The following AGAP1 variants were observed in gnomAD, a reference collection of about 807,000 sequenced individuals.
AGAP1 encodes the protein arf-GAP with GTPase, ANK repeat and PH domain-containing protein 1.
In AGAP1, 29 loss-of-function variants were observed where a neutral mutation model predicts 105.3. The observed-to-expected ratio is 0.28, with a 90% confidence interval of 0.21 to 0.38. The LOEUF (loss-of-function observed/expected upper bound fraction) is 0.38, where lower values mean the gene tolerates loss of function less well. AGAP1 is among the 10% of genes least tolerant of loss of function. The pLI is 1.00. For synonymous variants in AGAP1, 509 were observed against 485.9 expected (o/e 1.05, Z -0.63); for missense variants, 998 against 1,165.1 (o/e 0.86, Z 2.09).
intron 1 of AGAP1, chr2:235,669,750 G>C (rs1948271323): frequency 6.8e-6 from 1 of 147,994 alleles, no homozygotes; most frequent in Non-Finnish European, 1.5e-5. Flanking sequence ...GGGAGGATGC[G>C]CACGGGCCCC....
rs1028200215 is a variant in AGAP1 at position 235,724,172 on chromosome 2, A to G, written c.310+6528A>G. On this transcript the variant is annotated intron_variant, in intron 3 of 17. Coordinates refer to ENST00000304032, the MANE Select transcript of AGAP1 (RefSeq NM_001037131.3). This position sits in a 1 kb window ranked among gnomAD's most constrained non-coding sequence, Gnocchi z 4.9. ...TTCTGACTGATTCTTAACCAACTCA[A>G]AATTTTAGGCAGAAAGCTAGCTCCA... is the stretch of plus-strand genomic sequence containing the variant. Among the ~76,000 whole-genome samples the G allele has an allele frequency of 1.3e-5, 2 of 152,216 alleles. No individual in the cohort carries two copies. Among genetic ancestry groups the G allele is most frequent in the African/African-American group, 4.8e-5 (2 of 41,468 alleles).
chr2:235,697,309 G>A (rs957944861), intron 1 of AGAP1, among the ~76,000 whole-genome samples: 5 of 152,224 alleles, frequency 3.3e-5, no homozygotes, highest in East Asian at 1.9e-4. Context: ...CAGCATTGCC[G>A]CATCGGGATG....
chr2:235,693,600 G>T (rs920403668), intron 1 of AGAP1, among the ~76,000 whole-genome samples: 1 of 152,164 alleles, frequency 6.6e-6, no homozygotes, highest in South Asian at 2.1e-4. Context: ...GCTCACGGCT[G>T]TAGTCCTAGG....
chr2:235,907,555 A>C (rs1182723902), intron 10 of AGAP1, among the ~76,000 whole-genome samples: 1 of 152,222 alleles, frequency 6.6e-6, no homozygotes, highest in Admixed American at 6.5e-5. Context: ...CTGCCAAAGA[A>C]AGAGCATATT....
chr2:236,118,145 G>A (rs1365797239), intron 16 of AGAP1, among the ~76,000 whole-genome samples: 5 of 152,156 alleles, frequency 3.3e-5, no homozygotes. Context: ...GGTAAAAGGT[G>A]TAAACAAGGC....
At chr2:235,630,734 G>A (rs933367624) in intron 1 of AGAP1, among the ~76,000 whole-genome samples, 6 of 152,150 alleles carry the variant, frequency 3.9e-5, no homozygotes, top group Non-Finnish European at 5.9e-5. Flanking sequence ...CCCTCGGCTC[G>A]CCACTGGCTT....
In AGAP1 at chr2:236,109,577, C is replaced by G. The variant is rs1008823360; in HGVS notation, c.2115-10615C>G. Among the ~76,000 whole-genome samples the G allele has an allele frequency of 6.6e-6, 1 of 152,156 alleles. No individual in the cohort carries two copies. Among genetic ancestry groups the G allele is most frequent in the Non-Finnish European group, 1.5e-5 (1 of 68,030 alleles). ...CCTAGTCAGCGGCAGCGTCGGTGCT[C>G]TGGACCGGCAGCCATGGGAATGTCC... On this transcript the variant is annotated intron_variant, in intron 16 of 17. Transcript: ENST00000304032. This position sits in a 1 kb window ranked among gnomAD's most constrained non-coding sequence, Gnocchi z 5.4.
Position 236,120,845 on chromosome 2 carries a change from G to A in AGAP1, c.2370+398G>A, listed in dbSNP as rs2059881270. Among the ~76,000 whole-genome samples the A allele has an allele frequency of 6.6e-6, 1 of 152,254 alleles. No individual in the cohort carries two copies. The highest frequency in any genetic ancestry group is 2.1e-4 in the South Asian group (1 of 4,832). On this transcript the variant is annotated intron_variant, in intron 17 of 17. Coordinates refer to ENST00000304032, the MANE Select transcript of AGAP1 (RefSeq NM_001037131.3). This position sits in a 1 kb window ranked among gnomAD's most constrained non-coding sequence, Gnocchi z 6.0. ...TGGACCCTAAACTTTGAGGTCTGAT[G>A]TGGCAGGAGTTTGTCAAAGGACTTC...
Position 235,720,739 on chromosome 2 carries a change from C to G in AGAP1, c.310+3095C>G. On this transcript the variant is annotated intron_variant, in intron 3 of 17. Transcript: ENST00000304032. The surrounding 1 kb of genome is among the most constrained non-coding windows in gnomAD (Gnocchi z 5.0). The stretch of plus-strand genomic sequence containing the variant: ...CGTGAGTATCCTTTATGTCATAATC[C>G]TGACCCGTGGCTGGGATATGTAGAC... The G allele has an allele frequency of 1.0e-6, 1 of 983,182 alleles. No homozygotes were observed. Among genetic ancestry groups the G allele is most frequent in the Non-Finnish European group, 1.2e-6 (1 of 827,972 alleles). The allele number at this position is 983,182 out of a possible 1,614,324, so 60.9% of individuals were successfully genotyped here. A position where few individuals can be genotyped will look rare whatever the true frequency, so the allele number is the denominator to read the frequency against.
rs1277061521 is a variant in AGAP1, at chr2:235,793,614, A to G, written c.674-4145A>G. 6.6e-6 allele frequency among the ~76,000 whole-genome samples: 1 copy of G among 152,034 alleles called. No individual in the cohort carries two copies. The highest frequency in any genetic ancestry group is 6.6e-5 in the Admixed American group (1 of 15,260). ...AGGATGAAATGAGTTAATAGATGGGAAGTGTGGGCCGCCTAGCCCTGCTCA... is the reference window on the plus strand; with the variant it reads ...AGGATGAAATGAGTTAATAGATGGGGAGTGTGGGCCGCCTAGCCCTGCTCA... On this transcript the variant is annotated intron_variant, in intron 6 of 17. Transcript: ENST00000304032. This position sits in a 1 kb window ranked among gnomAD's most constrained non-coding sequence, Gnocchi z 5.3.
Position 235,689,747 on chromosome 2 carries a change from C to T in AGAP1, c.164-19432C>T, listed in dbSNP as rs1019156909. On this transcript the variant is annotated intron_variant, in intron 1 of 17. Transcript: ENST00000304032. The surrounding 1 kb of genome is among the most constrained non-coding windows in gnomAD (Gnocchi z 4.2). ...TAGAGCTGCACTGTTGGTAAACTGT[C>T]CTGCATGTGTGTACGTGCACACTTG... is the stretch of plus-strand genomic sequence containing the variant. Among the ~76,000 whole-genome samples, 7 of 152,204 alleles carry T rather than the reference C, an allele frequency of 4.6e-5. No homozygotes were observed. Among genetic ancestry groups the T allele is most frequent in the Non-Finnish European group, 1.0e-4 (7 of 68,044 alleles).
chr2:235,524,829 A>G (rs1338824246), intron 1 of AGAP1, among the ~76,000 whole-genome samples: 1 of 152,234 alleles, frequency 6.6e-6, no homozygotes, highest in Admixed American at 6.5e-5. Context: ...GAAACTCTTC[A>G]GTGAACAGAT....
At position 236,096,431 on chromosome 2, in the gene AGAP1, GC is replaced by G. The variant is rs1284573025; in HGVS notation, c.2115-23760del. ...CAAGAGAATCCCTTGAACCTGAGAG[GC>G]AGAGGTTGCAGTGAGCCAAGATCGC... On this transcript the variant is annotated intron_variant, in intron 16 of 17. Coordinates refer to ENST00000304032, the MANE Select transcript of AGAP1 (RefSeq NM_001037131.3). The surrounding 1 kb of genome is among the most constrained non-coding windows in gnomAD (Gnocchi z 4.4). Among the ~76,000 whole-genome samples the G allele has an allele frequency of 6.6e-6, 1 of 151,328 alleles. No homozygotes were observed. The highest frequency in any genetic ancestry group is 1.5e-5 in the Non-Finnish European group (1 of 67,910).
chr2:235,791,756 C>T (rs1956990819), intron 6 of AGAP1, among the ~76,000 whole-genome samples: 1 of 152,076 alleles, frequency 6.6e-6, no homozygotes, highest in Non-Finnish European at 1.5e-5. Flanking sequence ...CCATGTTGAC[C>T]AGGCTGGTCC....
chr2:235,825,890 A>G (rs549859282), intron 9 of AGAP1, among the ~76,000 whole-genome samples: 3 of 152,250 alleles, frequency 2.0e-5, no homozygotes, highest in Non-Finnish European at 4.4e-5. Context: ...CCCAATGGAT[A>G]AATGAGAGGA....
intron 1 of AGAP1, among the ~76,000 whole-genome samples, chr2:235,579,090 C>G (rs1485701927): frequency 6.6e-6 from 1 of 152,170 alleles, no homozygotes; most frequent in Non-Finnish European, 1.5e-5. Flanking sequence ...CATGAAGCAG[C>G]CTTCCCCAGC....
intron 1 of AGAP1, among the ~76,000 whole-genome samples, chr2:235,592,896 G>C (rs972276434): frequency 7.2e-5 from 11 of 152,240 alleles, no homozygotes; most frequent in African/African-American, 2.6e-4. Context: ...AGGAACACTG[G>C]TGTCTCAGGG....
intron 13 of AGAP1, among the ~76,000 whole-genome samples, chr2:235,998,995 A>G (rs2055947227): frequency 6.9e-6 from 1 of 145,260 alleles, no homozygotes; most frequent in Admixed American, 6.9e-5. Flanking sequence ...AGTGGTGGTG[A>G]TTGTGGTGAC....
At position 235,931,475 on chromosome 2, in the gene AGAP1, T is replaced by C. The variant is rs992483971; in HGVS notation, c.1483+552T>C. Among the ~76,000 whole-genome samples the C allele has an allele frequency of 1.3e-5, 2 of 152,012 alleles. No homozygotes were observed. Among genetic ancestry groups the C allele is most frequent in the African/African-American group, 4.8e-5 (2 of 41,380 alleles). On this transcript the variant is annotated intron_variant, in intron 12 of 17. Transcript: ENST00000304032. This position sits in a 1 kb window ranked among gnomAD's most constrained non-coding sequence, Gnocchi z 5.6. Reference sequence around the variant, plus strand: ...ATTATTTTGACAAGTGTATCCAGCTTTTTGGGGAATAAGCATGCACGTTGG... The same window carrying C: ...ATTATTTTGACAAGTGTATCCAGCTCTTTGGGGAATAAGCATGCACGTTGG...
Sources: gnomAD v4.1 joint callset for allele counts (sites outside exome capture counted in the v4.1 genomes callset) on GRCh38, gnomAD v4.1.1 for gene constraint, Gnocchi (gnomAD v3.1) non-coding constraint, MANE v1.5 for transcripts, NCBI Gene and HGNC (gene_info 2026-07-23, HGNC 2026-07-21) for gene names.